The following KLF8 variants were observed in gnomAD, a reference collection of about 807,000 sequenced individuals.
KLF8 encodes KLF transcription factor 8, also known as Krueppel-like factor 8.
A neutral mutation model predicts 18.2 loss-of-function variants in KLF8; 10 were observed. The observed-to-expected ratio is 0.55, with a 90% CI of 0.34 to 0.93. KLF8 has a LOEUF of 0.93. KLF8 is among the 40% of genes least tolerant of loss of function. The probability of loss-of-function intolerance (pLI) is 0.02; values close to 1 mark genes in which losing one functional copy is unlikely to be tolerated. For missense variants in KLF8, 264 were observed against 277.9 expected, an observed-to-expected ratio of 0.95 and a Z score of 0.36; for synonymous variants, 109 against 97.3, an observed-to-expected ratio of 1.12 and a Z score of -0.71.
the KLF8 span, among the ~76,000 whole-genome samples, chrX:56,025,176 C>T: frequency 8.9e-6 from 1 of 112,372 alleles, no homozygotes; most frequent in Non-Finnish European, 1.9e-5. Context: ...ATTGCAAAAA[C>T]AAATTTCTAG....
chrX:56,175,603 G>C, the KLF8 span, among the ~76,000 whole-genome samples: 3 of 111,670 alleles, frequency 2.7e-5, no homozygotes, highest in African/African-American at 9.8e-5. Flanking sequence ...TTCTGTAGAT[G>C]TCTATTAGGT....
the KLF8 span, among the ~76,000 whole-genome samples, chrX:55,945,623 T>G: frequency 9.0e-6 from 1 of 111,347 alleles, no homozygotes; most frequent in African/African-American, 3.3e-5. Context: ...AACATAGTGT[T>G]GGAAGTTCTG....
the KLF8 span, among the ~76,000 whole-genome samples, chrX:55,955,558 C>T: frequency 1.8e-5 from 2 of 111,245 alleles, no homozygotes; most frequent in African/African-American, 6.5e-5. Context: ...TGCCATGTTT[C>T]TGGGGTATAA....
At chrX:56,072,964 G>C in the KLF8 span, among the ~76,000 whole-genome samples, 1 of 105,717 alleles carries the variant, frequency 9.5e-6, no homozygotes, top group African/African-American at 3.4e-5. Context: ...TTTTACATTT[G>C]CATCTGGCTT....
chrX:56,285,609 GT>G lies in KLF8; in HGVS notation c.*1116del, dbSNP rs913371923. 3.6e-5 allele frequency: 4 copies of G among 112,005 alleles called. No individual in the cohort carries two copies. The highest frequency in any genetic ancestry group is 1.3e-4 in the African/African-American group (4 of 30,788). 9.2% of individuals were successfully genotyped at this position (112,005 alleles called of 1,213,427 possible). On this transcript the variant is annotated 3_prime_UTR_variant, in exon 6 of 6. Coordinates refer to ENST00000468660, the MANE Select transcript of KLF8 (RefSeq NM_007250.5). ...CATGGAATTATTGGCATTCATTCCT[GT>G]GTTTCAAATGAAACATAGATGCTTT... is the stretch of plus-strand genomic sequence containing the variant.
the KLF8 span, among the ~76,000 whole-genome samples, chrX:55,919,446 C>T: frequency 4.5e-5 from 5 of 111,920 alleles, no homozygotes; most frequent in Non-Finnish European, 9.4e-5. Context: ...TGCTTGCTCT[C>T]TCAACAGGGA....
chrX:55,976,006 G>A, the KLF8 span, among the ~76,000 whole-genome samples: 1 of 111,389 alleles, frequency 9.0e-6, no homozygotes, highest in Non-Finnish European at 1.9e-5. Flanking sequence ...CTACTCGGGA[G>A]GCTGAGGCAG....
the KLF8 span, among the ~76,000 whole-genome samples, chrX:56,001,922 C>T: frequency 7.1e-5 from 8 of 112,196 alleles, no homozygotes; most frequent in African/African-American, 2.6e-4. Context: ...ACTATCAGAT[C>T]ATTTCACCCT....
chrX:55,945,479 G>T, the KLF8 span, among the ~76,000 whole-genome samples: 1 of 110,414 alleles, frequency 9.1e-6, no homozygotes, highest in African/African-American at 3.3e-5. Flanking sequence ...TCTCTTTGTA[G>T]GTCGTATCTC....
chrX:56,079,805 G>A, the KLF8 span, among the ~76,000 whole-genome samples: 1 of 110,405 alleles, frequency 9.1e-6, no homozygotes, highest in East Asian at 2.8e-4. Flanking sequence ...AGGTCACTCA[G>A]GACTTGCTTT....
rs1460835975 is a variant in KLF8 at position 56,288,741 on chromosome X, G to T, written c.*4247G>T. 8.9e-6 allele frequency among the ~76,000 whole-genome samples: 1 copy of T among 112,570 alleles called. No individual in the cohort carries two copies. The highest frequency in any genetic ancestry group is 1.9e-5 in the Non-Finnish European group (1 of 53,341). ...GTGAGCACATGCTGTTGGAAAAATG[G>T]TGCCAATAGACTTGTTGGTCACAGG... On this transcript the variant is annotated 3_prime_UTR_variant, in exon 6 of 6. Transcript: ENST00000468660.
the KLF8 span, chrX:56,074,587 G>C: frequency 8.6e-6 from 1 of 115,893 alleles, no homozygotes; most frequent in Non-Finnish European, 1.8e-5. Flanking sequence ...GTCAAAATTA[G>C]TTTATCTATA....
the KLF8 span, among the ~76,000 whole-genome samples, chrX:56,083,242 C>T: frequency 1.8e-5 from 2 of 111,829 alleles, no homozygotes; most frequent in African/African-American, 6.5e-5. Context: ...TATATGTAAA[C>T]ATTTTAACAA....
chrX:56,121,059 A>G, the KLF8 span, among the ~76,000 whole-genome samples: 48 of 108,738 alleles, frequency 4.4e-4, no homozygotes, highest in South Asian at 1.6e-3. Context: ...GGTGGCGGGC[A>G]CCTGTAGTCC....
the KLF8 span, among the ~76,000 whole-genome samples, chrX:56,191,620 T>C: frequency 9.0e-6 from 1 of 111,553 alleles, no homozygotes; most frequent in Admixed American, 9.5e-5. Context: ...CTGGGATTTA[T>C]CCCAGAGATT....
the KLF8 span, among the ~76,000 whole-genome samples, chrX:56,143,401 T>C: frequency 1.8e-5 from 2 of 112,236 alleles, no homozygotes; most frequent in Non-Finnish European, 3.8e-5. Context: ...CCTTAGATAT[T>C]TGTTTATGTG....
chrX:56,270,056 G>A (rs1409905487), intron 4 of KLF8, 126 bp from the exon 5 acceptor site: 3 of 645,792 alleles, frequency 4.6e-6, no homozygotes, highest in Middle Eastern at 3.3e-4. Context: ...TTCTTTTTGG[G>A]GGGACCTAGC....
rs1377980203 is a variant in KLF8, at chrX:56,284,921, G to C, written c.*427G>C. 8.5e-6 allele frequency: 1 copy of C among 118,134 alleles called. No homozygotes were observed. The highest frequency in any genetic ancestry group is 1.7e-5 in the Non-Finnish European group (1 of 57,624). The allele number at this position is 118,134 out of a possible 1,213,427, so 9.7% of individuals were successfully genotyped here. On this transcript the variant is annotated 3_prime_UTR_variant, in exon 6 of 6. Transcript: ENST00000468660. ...TAAAATAAGTACCTAAAAGTGGTTTGATAGTGTCCTAAACGACTTTTTTAA... is the reference window on the plus strand; with the variant it reads ...TAAAATAAGTACCTAAAAGTGGTTTCATAGTGTCCTAAACGACTTTTTTAA...
the KLF8 span, among the ~76,000 whole-genome samples, chrX:56,136,301 A>G: frequency 8.9e-6 from 1 of 111,768 alleles, no homozygotes; most frequent in Non-Finnish European, 1.9e-5. Flanking sequence ...CGCCAAGTCA[A>G]TCTAAGCCAA....
Sources: gnomAD v4.1 joint callset for allele counts (sites outside exome capture counted in the v4.1 genomes callset) on GRCh38, gnomAD v4.1.1 for gene constraint, MANE v1.5 for transcripts, NCBI Gene and HGNC (gene_info 2026-07-23, HGNC 2026-07-21) for gene names.